The following STK32C variants were observed in gnomAD, a reference collection of about 807,000 sequenced individuals.
STK32C encodes serine/threonine kinase 32C, also known as serine/threonine-protein kinase 32C.
In STK32C, 31 loss-of-function variants were observed where a neutral mutation model predicts 56.5. The ratio of observed to expected loss-of-function variants is 0.55; its 90% CI spans 0.41 to 0.74. The LOEUF (loss-of-function observed/expected upper bound fraction) is 0.74, where lower values mean the gene tolerates loss of function less well. Among genes scored for constraint, STK32C ranks in the 30% least tolerant of loss-of-function variants. The pLI, the probability that STK32C is intolerant of heterozygous loss-of-function variation, is 0.00. For synonymous variants in STK32C, 309 were observed against 289.4 expected (o/e 1.07, Z -0.69); for missense variants, 544 against 676.9 (o/e 0.80, Z 2.18).
chr10:132,314,576 A>C lies in STK32C; in HGVS notation c.301+16860T>G, dbSNP rs548349816. Among the ~76,000 whole-genome samples the C allele has an allele frequency of 1.7e-4, 26 of 152,372 alleles. No individual in the cohort carries two copies. The South Asian group carries it at 5.0e-3, about 29-fold the overall frequency. ...AGACCATCAGACTGGATACAAATGC[A>C]AGACCCTAATATGTATATGCTGATT... On this transcript the variant is annotated intron_variant, in intron 1 of 3. Transcript: ENST00000368620.
chr10:132,300,240 AT>A (rs958409446), intron 1 of STK32C, among the ~76,000 whole-genome samples: 2 of 152,200 alleles, frequency 1.3e-5, no homozygotes, highest in Non-Finnish European at 2.9e-5. Flanking sequence ...CTCGGTTCCT[AT>A]TTTTAATAAA....
At chr10:132,275,922 G>A (rs1278231787) in intron 1 of STK32C, among the ~76,000 whole-genome samples, 2 of 152,032 alleles carry the variant, frequency 1.3e-5, no homozygotes, top group African/African-American at 4.8e-5. Flanking sequence ...AACCCCCTCT[G>A]CCTAGGAAAC....
chr10:132,331,753 C>T (rs773762598), exon 1 of STK32C: 74 of 1,611,150 alleles, frequency 4.6e-5, no homozygotes, highest in Non-Finnish European at 6.0e-5. Flanking sequence ...CTCTTCCTTC[C>T]CCTCTGTGCC....
Position 132,228,047 on chromosome 10 carries a change from C to T in STK32C, c.400G>A (p.Glu134Lys), listed in dbSNP as rs747384990. 9 of 1,613,886 alleles carry T rather than the reference C, an allele frequency of 5.6e-6. No homozygotes were observed. Among genetic ancestry groups the T allele is most frequent in the Admixed American group, 1.7e-5 (1 of 60,006 alleles). The change falls in exon 3 of 12, where the codon GAG becomes AAG. Residue 134 changes from glutamate to lysine, a missense_variant. Glu to Lys is a moderately conservative substitution (Grantham distance 56). Transcript: ENST00000298630. ...MNKQQCIERD[E>K]VRNVFRELEI... is the part of the protein sequence containing the mutation. ...AGCTCCCGGAAGACGTTGCGGACCT[C>T]GTCGCGCTCGATGCACTGCTGCTTG...
At chr10:132,210,224 G>C (rs1178025005) in intron 10 of STK32C, among the ~76,000 whole-genome samples, 1 of 152,182 alleles carries the variant, frequency 6.6e-6, no homozygotes, top group Non-Finnish European at 1.5e-5. Context: ...CTGTCACAGT[G>C]TCGTCTGTGC....
upstream of STK32C, chr10:132,307,963 C>G: frequency 2.0e-6 from 2 of 1,015,636 alleles, no homozygotes; most frequent in Non-Finnish European, 2.4e-6. This position sits in a 1 kb window ranked among gnomAD's most constrained non-coding sequence, Gnocchi z 4.4. Context: ...GCGGTGGAAC[C>G]CGCCCCGTAG....
intron 1 of STK32C, among the ~76,000 whole-genome samples, chr10:132,277,084 T>C (rs990743779): frequency 6.6e-6 from 1 of 152,250 alleles, no homozygotes; most frequent in Non-Finnish European, 1.5e-5. Flanking sequence ...AGACAGAGTG[T>C]AAGACTCTGT....
upstream of STK32C, chr10:132,331,923 CA>C (rs1219637548): frequency 1.7e-3 from 1,123 of 680,360 alleles, 5 homozygotes; most frequent in Non-Finnish European, 1.6e-3. Context: ...ACAACCCCCC[CA>C]CCGCAAGCGC....
intron 2 of STK32C, among the ~76,000 whole-genome samples, chr10:132,245,295 G>A (rs2063647245): frequency 6.6e-6 from 1 of 152,204 alleles, no homozygotes; most frequent in South Asian, 2.1e-4. Context: ...AGAGCTGCGC[G>A]CAGAAGCCGG....
Position 132,260,407 on chromosome 10 carries a change from C to T in STK32C, c.263-14452G>A, listed in dbSNP as rs867200606. On this transcript the variant is annotated intron_variant, in intron 1 of 11. Transcript: ENST00000298630. ...GGAGCCAGCGCGAAATCCACCCCTG[C>T]GGCCCCTCTGCCTCCACCAGCTCCT... Among the ~76,000 whole-genome samples the T allele has an allele frequency of 2.0e-5, 3 of 152,196 alleles. No individual in the cohort carries two copies. The South Asian group carries it at 6.2e-4, about 32-fold the overall frequency.
Position 132,207,889 on chromosome 10 carries a change from CTG to C in STK32C, c.*119_*120del. ...TGAGGTGTGAAATGTGTCCGGGGCACTGTGGGCACCGCCAGCCAGGCTGGGTG... is the reference window on the plus strand; with the variant it reads ...TGAGGTGTGAAATGTGTCCGGGGCACTGGGCACCGCCAGCCAGGCTGGGTG... On this transcript the variant is annotated 3_prime_UTR_variant, in exon 12 of 12. Transcript: ENST00000298630. 1 of 1,160,120 alleles carries C rather than the reference CTG, an allele frequency of 8.6e-7. No homozygotes were observed. 71.9% of individuals were successfully genotyped at this position (1,160,120 alleles called of 1,614,324 possible).
At chr10:132,290,254 G>C (rs1271893038) in intron 1 of STK32C, among the ~76,000 whole-genome samples, 1 of 152,158 alleles carries the variant, frequency 6.6e-6, no homozygotes, top group Non-Finnish European at 1.5e-5. Flanking sequence ...CAACACTCAT[G>C]GTCAAAACGC....
At chr10:132,277,231 G>A (rs960535840) in intron 1 of STK32C, among the ~76,000 whole-genome samples, 8 of 152,322 alleles carry the variant, frequency 5.3e-5, no homozygotes, top group Admixed American at 1.3e-4. Context: ...AAGACGGGCC[G>A]AAGGGAGTCA....
chr10:132,230,367 C>T (rs938081034), intron 2 of STK32C, among the ~76,000 whole-genome samples: 2 of 152,234 alleles, frequency 1.3e-5, no homozygotes, highest in Non-Finnish European at 2.9e-5. Flanking sequence ...TGCACACGGC[C>T]GCAGGAGGCC....
At chr10:132,282,447 A>ACTCACCTGTGCCTGTG (rs1771749045) in intron 1 of STK32C, among the ~76,000 whole-genome samples, 2 of 137,716 alleles carry the variant, frequency 1.5e-5, no homozygotes, top group African/African-American at 5.6e-5. Flanking sequence ...CTGTACCTGC[A>ACTCACCTGTGCCTGTG]CCCACCTGTG....
In STK32C at chr10:132,285,150, GT is replaced by G. The variant is rs1245002084; in HGVS notation, c.262+22421del. Among the ~76,000 whole-genome samples, 21 of 90,940 alleles carry G rather than the reference GT, an allele frequency of 2.3e-4. 1 individual carries two copies. The highest frequency in any genetic ancestry group is 8.9e-4 in the African/African-American group (21 of 23,520). The allele number at this position is 90,940 out of a possible 152,430, so 59.7% of individuals were successfully genotyped here. ...GCATGAACCCGGAACACATTCCCAC[GT>G]CTGCCCAAAGACCAGGCATGAACCC... On this transcript the variant is annotated intron_variant, in intron 1 of 11. Coordinates refer to ENST00000298630, the MANE Select transcript of STK32C (RefSeq NM_173575.4).
intron 1 of STK32C, among the ~76,000 whole-genome samples, chr10:132,260,787 C>T (rs1015247152): frequency 5.3e-5 from 8 of 152,222 alleles, no homozygotes; most frequent in South Asian, 2.1e-4. Context: ...GGGAGAGGGG[C>T]GAGACAGGGC....
At chr10:132,325,179 A>G (rs966969288) in intron 1 of STK32C, among the ~76,000 whole-genome samples, 2 of 152,104 alleles carry the variant, frequency 1.3e-5, no homozygotes, top group Admixed American at 1.3e-4. Context: ...GTGGGAGGTA[A>G]CTGAATCATG....
At chr10:132,236,300 G>A (rs1172444057) in intron 2 of STK32C, among the ~76,000 whole-genome samples, 2 of 152,234 alleles carry the variant, frequency 1.3e-5, no homozygotes, top group Admixed American at 6.5e-5. Flanking sequence ...GACTGCCCCG[G>A]AAATGGCCAA....
Sources: allele counts gnomAD v4.1 joint callset (sites outside exome capture counted in the v4.1 genomes callset), GRCh38; gene constraint gnomAD v4.1.1; non-coding constraint Gnocchi (gnomAD v3.1); transcripts MANE v1.5; gene names NCBI Gene and HGNC (gene_info 2026-07-23, HGNC 2026-07-21).